Variants in CCT5 observed in about 807,000 individuals in gnomAD.
The protein encoded by CCT5 is chaperonin containing TCP1 subunit 5, also known as T-complex protein 1 subunit epsilon.
Under a neutral mutation model 55.0 loss-of-function variants are expected in CCT5, and 6 were observed. The ratio of observed to expected loss-of-function variants is 0.11; its 90% confidence interval spans 0.06 to 0.22. The LOEUF (loss-of-function observed/expected upper bound fraction) is 0.22. CCT5 is among the 10% of genes least tolerant of loss of function. The pLI is 1.00. For synonymous variants in CCT5, 231 were observed against 243.7 expected, an observed-to-expected ratio of 0.95 and a Z score of 0.49; for missense variants, 560 against 694.6, an observed-to-expected ratio of 0.81 and a Z score of 2.18.
intron 8 of CCT5, chr5:10,262,002 C>T: frequency 2.2e-6 from 1 of 462,580 alleles, no homozygotes; most frequent in South Asian, 2.1e-5. Context: ...AATACTTAAA[C>T]ACAGTTTAAA....
chr5:10,253,439 A>G (rs1218028189), intron 1 of CCT5, among the ~76,000 whole-genome samples: 1 of 151,996 alleles, frequency 6.6e-6, no homozygotes, highest in Non-Finnish European at 1.5e-5. Flanking sequence ...TTATTTTGTA[A>G]TGGGGTCTCG....
At position 10,264,795 on chromosome 5, in the gene CCT5, A is replaced by G. The variant is rs746131360; in HGVS notation, c.*12A>G. 5.6e-6 allele frequency: 9 copies of G among 1,611,456 alleles called. No individual in the cohort carries two copies. The highest frequency in any genetic ancestry group is 7.6e-6 in the Non-Finnish European group (9 of 1,177,566). On this transcript the variant is annotated 3_prime_UTR_variant, in exon 11 of 11. Coordinates refer to ENST00000280326, the MANE Select transcript of CCT5 (RefSeq NM_012073.5). ...AATCTGAAGAATGAAGACATTGAGA[A>G]AACTATGTAGCAAGATCCACTTCTG...
chr5:10,266,324 C>T lies in CCT5; in HGVS notation c.*1541C>T, dbSNP rs1242699566. The T allele has an allele frequency of 1.3e-5, 2 of 152,202 alleles. No individual in the cohort carries two copies. Among genetic ancestry groups the T allele is most frequent in the African/African-American group, 2.4e-5 (1 of 41,448 alleles). The allele number at this position is 152,202 out of a possible 1,614,324, so 9.4% of individuals were successfully genotyped here. On this transcript the variant is annotated 3_prime_UTR_variant, in exon 11 of 11. Transcript: ENST00000280326. ...AGAAACTGGTCAATGAACAGGAAGA[C>T]TTAGAGATGTTTCACAAGCCTTTGA... is the stretch of plus-strand genomic sequence containing the variant.
intron 1 of CCT5, among the ~76,000 whole-genome samples, chr5:10,252,316 G>A (rs1579445271): frequency 1.3e-5 from 2 of 152,204 alleles, no homozygotes; most frequent in Admixed American, 6.5e-5. Flanking sequence ...TAAAAGAAAT[G>A]TATAGGCCAG....
At chr5:10,263,640 T>TAA (rs1392767719) in intron 10 of CCT5, among the ~76,000 whole-genome samples, 1 of 152,216 alleles carries the variant, frequency 6.6e-6, no homozygotes, top group Non-Finnish European at 1.5e-5. Flanking sequence ...AGCATATATA[T>TAA]AACAGCTCTG....
chr5:10,259,068 A>G (rs1579452886), intron 6 of CCT5, among the ~76,000 whole-genome samples: 1 of 152,222 alleles, frequency 6.6e-6, no homozygotes, highest in South Asian at 2.1e-4. Context: ...AATTGTACAT[A>G]TTATATTTGC....
intron 8 of CCT5, chr5:10,262,059 G>A: frequency 2.5e-6 from 1 of 403,886 alleles, no homozygotes; most frequent in Non-Finnish European, 4.6e-6. Flanking sequence ...TACATTAGGG[G>A]TTGGTTAAAC....
Position 10,252,364 on chromosome 5 carries a change from C to T in CCT5, c.106-1781C>T, listed in dbSNP as rs10052832. Among the ~76,000 whole-genome samples, 540 of 152,356 alleles carry T rather than the reference C, an allele frequency of 3.5e-3. 3 individuals are homozygous for T. Among genetic ancestry groups the T allele is most frequent in the African/African-American group, 0.012 (506 of 41,586 alleles). ...TTAATGGTAATGGTCACAGTTCTTT[C>T]TCTCTGGTCATTTAGAGCCTTAAAG... On this transcript the variant is annotated intron_variant, in intron 1 of 10. Coordinates refer to ENST00000280326, the MANE Select transcript of CCT5 (RefSeq NM_012073.5).
rs769622374 is a variant in CCT5 at position 10,258,399 on chromosome 5, C to G, written c.737C>G (p.Ala246Gly). 3.1e-6 allele frequency: 5 copies of G among 1,614,130 alleles called. No homozygotes were observed. The highest frequency in any genetic ancestry group is 1.1e-5 in the South Asian group (1 of 91,074). Residue 246 changes from alanine (A) to glycine (G), a missense_variant, in exon 6 of 11, where the codon GCG becomes GGG. Transcript: ENST00000280326. ...HPQMPKKVED[A>G]KIAILTCPFE... ...GTTCCCCCATAGAAAGTGGAAGATGCGAAGATTGCAATTCTCACATGTCCA... is the reference window on the plus strand; with the variant it reads ...GTTCCCCCATAGAAAGTGGAAGATGGGAAGATTGCAATTCTCACATGTCCA...
At chr5:10,260,650 A>T in intron 6 of CCT5, 142 bp from the exon 7 acceptor site, 1 of 794,354 alleles carries the variant, frequency 1.3e-6, no homozygotes, top group Non-Finnish European at 2.2e-6. Context: ...ACACTTGTCT[A>T]TTTCCTTCCT....
At chr5:10,254,384 G>T in intron 2 of CCT5, 179 bp downstream of exon 2, 1 of 594,146 alleles carries the variant, frequency 1.7e-6, no homozygotes, top group Non-Finnish European at 2.9e-6. Context: ...TGCAATATTA[G>T]GTCGGACCTT....
chr5:10,254,412 C>G lies in CCT5; in HGVS notation c.166+207C>G, dbSNP rs1012345238. On this transcript the variant is annotated intron_variant, in intron 2 of 10. Transcript: ENST00000280326. ...CGGACCTTTTTTTTTTTTTTTTTAG[C>G]ATGTAACATCATTTCATTAGCATTT... 2.0e-5 allele frequency: 11 copies of G among 558,504 alleles called. No individual in the cohort carries two copies. In the African/African-American group the frequency reaches 2.0e-4, roughly 10 times the overall value. The allele number at this position is 558,504 out of a possible 1,614,324, so 34.6% of individuals were successfully genotyped here.
At chr5:10,254,567 A>G (rs1374774667) in intron 2 of CCT5, 107 bp from the exon 3 acceptor site, 7 of 940,598 alleles carry the variant, frequency 7.4e-6, no homozygotes, top group South Asian at 1.3e-5. Flanking sequence ...CATTATTTGT[A>G]TATAATAAAT....
Position 10,256,011 on chromosome 5 carries a change from C to G in CCT5, c.388C>G (p.Pro130Ala). 2 of 1,614,188 alleles carry G rather than the reference C, an allele frequency of 1.2e-6. No individual in the cohort carries two copies. Among genetic ancestry groups the G allele is most frequent in the Non-Finnish European group, 1.7e-6 (2 of 1,180,028 alleles). ...GCAATTGCTAGACCGAGGCATTCAC[C>G]CAATCAGAATAGCCGATGGCTATGA... ...AEQLLDRGIH[P>A]IRIADGYEQA... The change falls in exon 4 of 11, where the codon CCA (proline) becomes GCA (alanine). Residue 130 changes from proline (P) to alanine (A), a missense_variant. Around this residue, in one of 4 missense-constraint regions of CCT5, gnomAD observed 137 missense variants for 181.9 expected, o/e 0.75. Transcript: ENST00000280326.
intron 3 of CCT5, among the ~76,000 whole-genome samples, chr5:10,255,675 T>G (rs960561113): frequency 2.0e-5 from 3 of 152,188 alleles, no homozygotes; most frequent in South Asian, 4.1e-4. Flanking sequence ...GCTTTTTACC[T>G]CTTAGAAAAA....
At chr5:10,254,321 C>G (rs897035142) in intron 2 of CCT5, 116 bp downstream of exon 2, 1 of 770,566 alleles carries the variant, frequency 1.3e-6, no homozygotes, top group South Asian at 1.5e-5. Context: ...TTCCTTAACA[C>G]AGCCAAAATT....
intron 10 of CCT5, among the ~76,000 whole-genome samples, chr5:10,263,561 G>A (rs1746085089): frequency 6.6e-6 from 1 of 152,158 alleles, no homozygotes; most frequent in Non-Finnish European, 1.5e-5. Context: ...AGATGACTTA[G>A]GTTTTAATCT....
upstream of CCT5, chr5:10,250,083 G>T: frequency 6.5e-7 from 1 of 1,538,038 alleles, no homozygotes; most frequent in South Asian, 1.2e-5. Flanking sequence ...ATCTGCTCTT[G>T]ACTTGTGTGT....
At chr5:10,254,915 T>C (rs1169035839) in intron 3 of CCT5, 77 bp downstream of exon 3, 2 of 1,184,382 alleles carry the variant, frequency 1.7e-6, no homozygotes, top group Middle Eastern at 2.0e-4. Flanking sequence ...CTGCTGAGAT[T>C]GTTGTCTCTG....
Sources: gnomAD v4.1 joint callset for allele counts (sites outside exome capture counted in the v4.1 genomes callset) on GRCh38, gnomAD v4.1.1 for gene constraint, gnomAD v4.1.1 regional missense constraint, MANE v1.5 for transcripts, NCBI Gene and HGNC (gene_info 2026-07-23, HGNC 2026-07-21) for gene names.